The following ZNF177 variants were observed in gnomAD, a reference collection of about 807,000 sequenced individuals.
ZNF177 encodes the protein zinc finger protein 177.
ZNF177 carries 17 observed loss-of-function variants against 19.4 expected under a neutral mutation model. That is an observed-to-expected ratio of 0.87 (90% CI 0.60 to 1.31). The LOEUF (loss-of-function observed/expected upper bound fraction) is 1.31, where lower values mean the gene tolerates loss of function less well. ZNF177 is among the 40% of genes most tolerant of loss of function. The pLI is 0.00. For synonymous variants in ZNF177, 220 were observed against 188.7 expected, an observed-to-expected ratio of 1.17 and a Z score of -1.36; for missense variants, 633 against 561.8, an observed-to-expected ratio of 1.13 and a Z score of -1.28.
At chr19:9,372,889 TATA>T (rs2068065413), upstream of ZNF177, among the ~76,000 whole-genome samples, 1 of 152,106 alleles carries the variant, frequency 6.6e-6, no homozygotes, top group Non-Finnish European at 1.5e-5. Context: ...TTTCTTGAGG[TATA>T]ATTGACAAAT....
chr19:9,375,284 T>C (rs1310309904), upstream of ZNF177, among the ~76,000 whole-genome samples: 1 of 152,170 alleles, frequency 6.6e-6, no homozygotes, highest in Non-Finnish European at 1.5e-5. Flanking sequence ...GTAGGGATAT[T>C]GGCTTGTAGT....
At chr19:9,380,886 C>T in exon 6 of ZNF177, 2 of 1,536,092 alleles carry the variant, frequency 1.3e-6, no homozygotes, top group Non-Finnish European at 1.7e-6. Context: ...GAAAAGCTTT[C>T]AATCAAGAGT....
At chr19:9,379,983 T>C (rs897936099) in intron 4 of ZNF177, 74 bp from the exon 7 acceptor site, 3 of 1,523,974 alleles carry the variant, frequency 2.0e-6, no homozygotes, top group African/African-American at 2.8e-5. Context: ...AACAAATCCA[T>C]AGGGTCTCCC....
chr19:9,379,312 T>C (rs2068155393), intron 3 of ZNF177: 9 of 1,066,044 alleles, frequency 8.4e-6, no homozygotes, highest in Non-Finnish European at 1.2e-5. Flanking sequence ...TCTCATCTTG[T>C]GTATAGGTTT....
chr19:9,374,423 T>C (rs1375946775), upstream of ZNF177, among the ~76,000 whole-genome samples: 2 of 152,196 alleles, frequency 1.3e-5, no homozygotes, highest in African/African-American at 4.8e-5. Flanking sequence ...CTGTAAAAAA[T>C]ATCATTGGAA....
intron 2 of ZNF177, among the ~76,000 whole-genome samples, chr19:9,367,269 C>T (rs184400716): frequency 6.6e-6 from 1 of 151,834 alleles, no homozygotes; most frequent in Non-Finnish European, 1.5e-5. Context: ...GAGCAGAGAT[C>T]GCACCACTGC....
upstream of ZNF177, among the ~76,000 whole-genome samples, chr19:9,374,553 C>G (rs8103099): frequency 5.3e-5 from 8 of 151,834 alleles, no homozygotes; most frequent in Admixed American, 2.0e-4. Context: ...TCTACTTTCA[C>G]CAGTGTTTTA....
exon 6 of ZNF177, chr19:9,381,618 T>G: frequency 1.2e-6 from 2 of 1,614,112 alleles, no homozygotes; most frequent in South Asian, 1.1e-5. Flanking sequence ...GTAAAGAATG[T>G]GGGAAGGCCT....
chr19:9,372,190 A>T (rs2068054830), upstream of ZNF177, among the ~76,000 whole-genome samples: 1 of 152,180 alleles, frequency 6.6e-6, no homozygotes, highest in Admixed American at 6.5e-5. Context: ...GCTTGGGGAC[A>T]ATGCCACTTA....
In ZNF177 at chr19:9,378,353, G is replaced by T; in HGVS notation, c.33+9G>T. 1 of 1,613,554 alleles carries T rather than the reference G, an allele frequency of 6.2e-7. No individual in the cohort carries two copies. The highest frequency in any genetic ancestry group is 8.5e-7 in the Non-Finnish European group (1 of 1,179,758). ...TGACAACCTGGTCACAGGTACACAA[G>T]AAATTTCTCTATTTCCAAAAGCACA... is the stretch of plus-strand genomic sequence containing the variant. On this transcript the variant is annotated intron_variant, in intron 2 of 5. Coordinates refer to ENST00000589262, the Ensembl canonical transcript of ZNF177.
At chr19:9,380,161 T>C in intron 5 of ZNF177, 22 bp downstream of exon 7, 1 of 1,589,730 alleles carries the variant, frequency 6.3e-7, no homozygotes, top group Non-Finnish European at 8.5e-7. Flanking sequence ...TAGGAAGTAT[T>C]CCTGGTCTTT....
upstream of ZNF177, among the ~76,000 whole-genome samples, chr19:9,374,018 C>G (rs887796373): frequency 6.6e-6 from 1 of 151,962 alleles, no homozygotes; most frequent in Admixed American, 6.6e-5. Context: ...TTCCCCTGTT[C>G]TAGAAGTTTT....
intron 2 of ZNF177, among the ~76,000 whole-genome samples, chr19:9,371,276 A>AT (rs766200871): frequency 1.1e-3 from 162 of 149,388 alleles, no homozygotes; most frequent in Non-Finnish European, 1.7e-3. Flanking sequence ...GGGTCCCAAC[A>AT]TTTTTTTTTT....
At chr19:9,379,008 A>G in exon 3 of ZNF177, 1 of 1,610,678 alleles carries the variant, frequency 6.2e-7, no homozygotes, top group Non-Finnish European at 8.5e-7. Context: ...TCCCAGGAGG[A>G]GTGGGCATTG....
chr19:9,378,425 T>C, intron 2 of ZNF177, 81 bp downstream of exon 4: 1 of 1,586,754 alleles, frequency 6.3e-7, no homozygotes, highest in East Asian at 2.3e-5. Context: ...ACCTGAAGCT[T>C]CACAGCCCAA....
At chr19:9,382,237 G>A, downstream of ZNF177, 4 of 403,854 alleles carry the variant, frequency 9.9e-6, no homozygotes, top group Non-Finnish European at 1.3e-5. Context: ...ACAGCTGTGA[G>A]CGGCCAAATA....
upstream of ZNF177, among the ~76,000 whole-genome samples, chr19:9,373,402 T>A (rs2068071792): frequency 6.6e-6 from 1 of 152,210 alleles, no homozygotes; most frequent in Non-Finnish European, 1.5e-5. Flanking sequence ...AATGCTGCAA[T>A]GAATATGAGG....
intron 1 of ZNF177, among the ~76,000 whole-genome samples, chr19:9,364,606 A>G (rs2067952401): frequency 1.3e-5 from 2 of 152,200 alleles, no homozygotes; most frequent in Non-Finnish European, 2.9e-5. Context: ...ATTAGCAGGT[A>G]GACACATGTA....
At chr19:9,380,361 T>C (rs966780118) in intron 5 of ZNF177, among the ~76,000 whole-genome samples, 1 of 150,754 alleles carries the variant, frequency 6.6e-6, no homozygotes, top group Non-Finnish European at 1.5e-5. Flanking sequence ...CAAGTAAACA[T>C]CTATGTAAAT....
Sources: gnomAD v4.1 joint callset for allele counts (sites outside exome capture counted in the v4.1 genomes callset) on GRCh38, gnomAD v4.1.1 for gene constraint, MANE v1.5 for transcripts, NCBI Gene and HGNC (gene_info 2026-07-23, HGNC 2026-07-21) for gene names.